UBE2E3: variants seen among roughly 807,000 people sequenced by gnomAD.
UBE2E3 encodes ubiquitin-conjugating enzyme E2 E3.
In UBE2E3, 5 loss-of-function variants were observed where a neutral mutation model predicts 23.6. That is an observed-to-expected ratio of 0.21 (90% CI 0.11 to 0.44). The LOEUF (loss-of-function observed/expected upper bound fraction) is 0.44. Among genes scored for constraint, UBE2E3 ranks in the 20% least tolerant of loss-of-function variants. The pLI, the probability that UBE2E3 is intolerant of heterozygous loss-of-function variation, is 0.99. For synonymous variants in UBE2E3, 78 were observed against 87.5 expected (o/e 0.89, Z 0.60); for missense variants, 81 against 249.8 (o/e 0.32, Z 4.55).
intron 3 of UBE2E3, among the ~76,000 whole-genome samples, chr2:181,028,396 T>C (rs908200754): frequency 1.6e-4 from 24 of 152,084 alleles, no homozygotes; most frequent in African/African-American, 5.3e-4. Context: ...TCTAGTAATA[T>C]GTGAGTAAAT....
At chr2:181,048,713 C>A (rs1686742478) in intron 3 of UBE2E3, among the ~76,000 whole-genome samples, 1 of 152,024 alleles carries the variant, frequency 6.6e-6, no homozygotes, top group Admixed American at 6.6e-5. Context: ...TGCTTTCAAC[C>A]TAAATAAATA....
At chr2:180,996,583 C>T (rs1482356797) in intron 3 of UBE2E3, among the ~76,000 whole-genome samples, 4 of 152,152 alleles carry the variant, frequency 2.6e-5, no homozygotes, top group Non-Finnish European at 5.9e-5. Flanking sequence ...TGAACATCCT[C>T]AGACTCTGCT....
At chr2:181,037,547 T>C (rs890190682) in intron 3 of UBE2E3, among the ~76,000 whole-genome samples, 6 of 152,164 alleles carry the variant, frequency 3.9e-5, no homozygotes, top group Admixed American at 6.5e-5. Context: ...ATAAAATAAC[T>C]TTTAAAAATA....
In UBE2E3 at chr2:181,020,117, A is replaced by G. The variant is rs142710633; in HGVS notation, c.245+36024A>G. Among the ~76,000 whole-genome samples the G allele has an allele frequency of 7.1e-3, 1,085 of 152,302 alleles. 16 individuals carry two copies. The highest frequency in any genetic ancestry group is 0.024 in the African/African-American group (1,010 of 41,556). The stretch of plus-strand genomic sequence containing the variant: ...GATGTATTAGTTTCCTGGGGCTGCC[A>G]TAACCAAGTACCACAAATTGGGTGA... On this transcript the variant is annotated intron_variant, in intron 3 of 5. Transcript: ENST00000410062.
At chr2:181,028,945 G>A (rs1387386506) in intron 3 of UBE2E3, among the ~76,000 whole-genome samples, 9 of 152,024 alleles carry the variant, frequency 5.9e-5, no homozygotes, top group Middle Eastern at 3.4e-3. Flanking sequence ...CCAAGGTCTC[G>A]AGGATATCTT....
At chr2:180,987,816 TAA>T (rs1684528572) in intron 3 of UBE2E3, among the ~76,000 whole-genome samples, 1 of 152,044 alleles carries the variant, frequency 6.6e-6, no homozygotes, top group Admixed American at 6.6e-5. Context: ...CTTTGCTACT[TAA>T]AAGAGTGAGC....
intron 3 of UBE2E3, chr2:180,987,360 G>A: frequency 6.5e-7 from 1 of 1,550,032 alleles, no homozygotes; most frequent in Non-Finnish European, 8.7e-7. Context: ...TCCTCTCCTA[G>A]TCACCACTTG....
At chr2:181,011,860 ATTTTTTCCAGTTAC>A (rs1435374305) in intron 3 of UBE2E3, among the ~76,000 whole-genome samples, 1 of 152,016 alleles carries the variant, frequency 6.6e-6, no homozygotes, top group Non-Finnish European at 1.5e-5. Context: ...GGACTGTAAC[ATTTTTTCCAGTTAC>A]TTAATTTCAC....
chr2:180,982,022 C>G lies in UBE2E3; in HGVS notation c.-21C>G, dbSNP rs375029105. 7 of 1,592,842 alleles carry G rather than the reference C, an allele frequency of 4.4e-6. No homozygotes were observed. Among genetic ancestry groups the G allele is most frequent in the South Asian group, 1.1e-5 (1 of 87,894 alleles). ...CTCCCCTGTTCTCTTTAAAAGTTTT[C>G]CAAGAGATAACTTCACCAAGATGTC... On this transcript the variant is annotated 5_prime_UTR_variant, in exon 2 of 6. Transcript: ENST00000410062.
At chr2:181,013,200 A>G (rs955091794) in intron 3 of UBE2E3, among the ~76,000 whole-genome samples, 1 of 152,190 alleles carries the variant, frequency 6.6e-6, no homozygotes, top group Non-Finnish European at 1.5e-5. Context: ...ATAGTGAACC[A>G]TAGGAGTTGT....
At chr2:180,997,129 C>T (rs1456597784) in intron 3 of UBE2E3, among the ~76,000 whole-genome samples, 2 of 149,104 alleles carry the variant, frequency 1.3e-5, no homozygotes, top group Non-Finnish European at 3.0e-5. Flanking sequence ...TTTTACCCTT[C>T]TAATCTCTCT....
intron 3 of UBE2E3, among the ~76,000 whole-genome samples, chr2:181,004,735 C>T (rs959230519): frequency 6.6e-6 from 1 of 152,156 alleles, no homozygotes; most frequent in Non-Finnish European, 1.5e-5. Context: ...CACATGCTTA[C>T]AGCATGTTTC....
intron 3 of UBE2E3, among the ~76,000 whole-genome samples, chr2:181,042,713 C>T (rs1457957225): frequency 6.6e-6 from 1 of 152,162 alleles, no homozygotes; most frequent in Non-Finnish European, 1.5e-5. Flanking sequence ...TATCTAAAGA[C>T]CTTTCAATTC....
intron 3 of UBE2E3, among the ~76,000 whole-genome samples, chr2:181,029,551 G>C (rs574213153): frequency 6.6e-6 from 1 of 150,478 alleles, no homozygotes; most frequent in Admixed American, 6.6e-5. Context: ...GCTTTTGTAA[G>C]TTTTATCTAA....
chr2:181,005,083 C>T (rs1268659059), intron 3 of UBE2E3, among the ~76,000 whole-genome samples: 1 of 152,200 alleles, frequency 6.6e-6, no homozygotes, highest in Non-Finnish European at 1.5e-5. Context: ...ACAACTCAAA[C>T]CAAACCAGCT....
At chr2:181,062,229 A>G (rs1056747392) in intron 5 of UBE2E3, among the ~76,000 whole-genome samples, 1 of 151,626 alleles carries the variant, frequency 6.6e-6, no homozygotes, top group African/African-American at 2.4e-5. Context: ...CCATATGTAC[A>G]TATTTTTTTG....
chr2:181,038,613 C>A (rs948246550), intron 3 of UBE2E3, among the ~76,000 whole-genome samples: 1 of 152,138 alleles, frequency 6.6e-6, no homozygotes, highest in Non-Finnish European at 1.5e-5. Flanking sequence ...GCAGGTGGAA[C>A]TTAAAGTAAA....
rs1381101096 is a variant in UBE2E3 at position 181,061,375 on chromosome 2, G to A, written c.526+563G>A. ...CTTGACCTCATGATCCACCCGCCTCGGCCTCCCAAAGTGCTGGGATTACAG... is the reference window on the plus strand; with the variant it reads ...CTTGACCTCATGATCCACCCGCCTCAGCCTCCCAAAGTGCTGGGATTACAG... On this transcript the variant is annotated intron_variant, in intron 5 of 5. Transcript: ENST00000410062. Among the ~76,000 whole-genome samples the A allele has an allele frequency of 6.0e-4, 5 of 8,342 alleles. 2 individuals are homozygous for A. The highest frequency in any genetic ancestry group is 2.5e-3 in the African/African-American group (3 of 1,186). 5.5% of individuals were successfully genotyped at this position (8,342 alleles called of 152,430 possible).
At chr2:181,021,598 C>CCCTCCCTTCCTTCCTCCCTCCCTT (rs1685691131) in intron 3 of UBE2E3, among the ~76,000 whole-genome samples, 1 of 98,370 alleles carries the variant, frequency 1.0e-5, no homozygotes, top group Non-Finnish European at 2.1e-5. Flanking sequence ...CTTCCTCCCT[C>CCCTCCCTTCCTTCCTCCCTCCCTT]CCTTCCTTCC....
Sources: gnomAD v4.1 joint callset for allele counts (sites outside exome capture counted in the v4.1 genomes callset) on GRCh38, gnomAD v4.1.1 for gene constraint, MANE v1.5 for transcripts, NCBI Gene and HGNC (gene_info 2026-07-23, HGNC 2026-07-21) for gene names.